KRTAP9-2: variants seen among roughly 807,000 people sequenced by gnomAD.
The protein encoded by KRTAP9-2 is keratin associated protein 9-2.
Under a neutral mutation model 14.1 loss-of-function variants are expected in KRTAP9-2, and 12 were observed. That is an observed-to-expected ratio of 0.85 (90% confidence interval 0.55 to 1.38). KRTAP9-2 has a LOEUF of 1.38. Among genes scored for constraint, KRTAP9-2 ranks in the 40% most tolerant of loss-of-function variants. The pLI, the probability that KRTAP9-2 is intolerant of heterozygous loss-of-function variation, is 0.00. For missense variants in KRTAP9-2, 185 were observed against 216.3 expected, an observed-to-expected ratio of 0.86 and a Z score of 0.91; for synonymous variants, 72 against 79.5, an observed-to-expected ratio of 0.91 and a Z score of 0.50.
chr17:41,226,673 C>A lies in KRTAP9-2; in HGVS notation c.19C>A (p.Pro7Thr). MTHCCS[P>T]CCQPTCCRTT... Reference sequence around the variant, plus strand: ...TGACACCATGACCCACTGTTGCTCCCCTTGCTGTCAGCCTACCTGCTGCAG... The same window carrying A: ...TGACACCATGACCCACTGTTGCTCCACTTGCTGTCAGCCTACCTGCTGCAG... The change falls in exon 1 of 1, where the codon CCT (proline) becomes ACT (threonine). Residue 7 changes from proline (P) to threonine (T), a missense_variant. By Grantham distance (38) the Pro-to-Thr change is conservative. This residue lies in a region of KRTAP9-2 where 21 missense variants were observed against 48.0 expected (regional missense o/e 0.44). Transcript: ENST00000377721. 1.2e-6 allele frequency: 2 copies of A among 1,612,152 alleles called. No individual in the cohort carries two copies. The highest frequency in any genetic ancestry group is 1.7e-6 in the Non-Finnish European group (2 of 1,179,726).
chr17:41,227,307 A>C lies in KRTAP9-2; in HGVS notation c.*128A>C. On this transcript the variant is annotated 3_prime_UTR_variant, in exon 1 of 1. Transcript: ENST00000377721. Reference sequence around the variant, plus strand: ...TCACCCAAATTTTTATGAATTCTCTACATGTTTAAAATCTTGGAAATCTGC... The same window carrying C: ...TCACCCAAATTTTTATGAATTCTCTCCATGTTTAAAATCTTGGAAATCTGC... The C allele has an allele frequency of 1.4e-6, 1 of 716,498 alleles. No individual in the cohort carries two copies. Among genetic ancestry groups the C allele is most frequent in the Non-Finnish European group, 2.1e-6 (1 of 474,196 alleles). 44.4% of individuals were successfully genotyped at this position (716,498 alleles called of 1,614,324 possible). A position where few individuals can be genotyped will look rare whatever the true frequency, so the allele number is the denominator to read the frequency against.
At position 41,227,164 on chromosome 17, in the gene KRTAP9-2, G is replaced by A. The variant is rs776298401; in HGVS notation, c.510G>A (p.Gln170=). 1.3e-5 allele frequency: 21 copies of A among 1,603,438 alleles called. No homozygotes were observed. The South Asian group carries it at 2.3e-4, about 18-fold the overall frequency. The change falls in exon 1 of 1, where the codon CAG becomes CAA. Residue 170 remains glutamine (Q), a synonymous_variant. Coordinates refer to ENST00000377721, the MANE Select transcript of KRTAP9-2 (RefSeq NM_031961.3). The stretch of plus-strand genomic sequence containing the variant: ...CCACCTGTGTGTCCAGCTGCTGCCA[G>A]CCTTCTTGCTGCTGATCACGTTCCA... ...FQPTCVSSCC[Q]PSCC
Position 41,227,005 on chromosome 17 carries a change from A to G in KRTAP9-2, c.351A>G (p.Arg117=). The change falls in exon 1 of 1, where the codon AGA becomes AGG. Residue 117 remains arginine (R), a synonymous_variant. Coordinates refer to ENST00000377721, the MANE Select transcript of KRTAP9-2 (RefSeq NM_031961.3). The part of the protein sequence containing the change: ...QSSSCAPVYC[R]RTCYYPTTVC... ...GCTCCTGTGCACCTGTGTACTGCAG[A>G]AGAACCTGCTACTACCCCACGACTG... The G allele has an allele frequency of 6.2e-7, 1 of 1,613,770 alleles. No individual in the cohort carries two copies. Among genetic ancestry groups the G allele is most frequent in the Non-Finnish European group, 8.5e-7 (1 of 1,179,966 alleles).
rs551374273 is a variant in KRTAP9-2, at chr17:41,227,030, G to C, written c.376G>C (p.Val126Leu). Residue 126 changes from valine (V) to leucine (L), a missense_variant, in exon 1 of 1, where the codon GTC becomes CTC. Transcript: ENST00000377721. Reference sequence around the variant, plus strand: ...AAGAACCTGCTACTACCCCACGACTGTCTGCCTGCCTGGTTGCCTAAACCA... The same window carrying C: ...AAGAACCTGCTACTACCCCACGACTCTCTGCCTGCCTGGTTGCCTAAACCA... ...CRRTCYYPTT[V>L]CLPGCLNQSC... The C allele has an allele frequency of 1.4e-5, 23 of 1,612,722 alleles. No individual in the cohort carries two copies. In the Admixed American group the frequency reaches 2.7e-4, roughly 19 times the overall value.
In KRTAP9-2 at chr17:41,227,447, G is replaced by C; in HGVS notation, c.*268G>C. ...TCATGGTCTCAGCTTTGACTCTAAA[G>C]TCAAGAGCTTCATTCCCTGCTTCTA... is the stretch of plus-strand genomic sequence containing the variant. On this transcript the variant is annotated 3_prime_UTR_variant, in exon 1 of 1. Coordinates refer to ENST00000377721, the MANE Select transcript of KRTAP9-2 (RefSeq NM_031961.3). 2.8e-6 allele frequency: 1 copy of C among 351,232 alleles called. No individual in the cohort carries two copies. Among genetic ancestry groups the C allele is most frequent in the Non-Finnish European group, 4.7e-6 (1 of 212,456 alleles). The allele number at this position is 351,232 out of a possible 1,614,324, so 21.8% of individuals were successfully genotyped here. A position where few individuals can be genotyped will look rare whatever the true frequency, so the allele number is the denominator to read the frequency against.
In KRTAP9-2 at chr17:41,226,978, C is replaced by A. The variant is rs139529894; in HGVS notation, c.324C>A (p.Ser108Arg). The A allele has an allele frequency of 1.2e-5, 19 of 1,613,918 alleles. No homozygotes were observed. Among genetic ancestry groups the A allele is most frequent in the African/African-American group, 5.3e-5 (4 of 74,892 alleles). The change falls in exon 1 of 1, where the codon AGC becomes AGA. Residue 108 changes from serine (S) to arginine (R), a missense_variant. Coordinates refer to ENST00000377721, the MANE Select transcript of KRTAP9-2 (RefSeq NM_031961.3). ...QTSCGSSCGQ[S>R]SSCAPVYCRR... is the part of the protein sequence containing the mutation. ...GCTGTGGGTCCAGCTGTGGCCAGAG[C>A]AGCTCCTGTGCACCTGTGTACTGCA...
Position 41,226,723 on chromosome 17 carries a change from C to T in KRTAP9-2, c.69C>T (p.Cys23=), listed in dbSNP as rs767702743. Residue 23 remains cysteine (C), a synonymous_variant, in exon 1 of 1, where the codon TGC becomes TGT. Transcript: ENST00000377721. ...GGACCACCTGCTGCAGGACCACCTGCTGGAAGCCCACCACTGTGACCACCT... is the reference window on the plus strand; with the variant it reads ...GGACCACCTGCTGCAGGACCACCTGTTGGAAGCCCACCACTGTGACCACCT... ...CCRTTCCRTT[C]WKPTTVTTCS... The T allele has an allele frequency of 8.4e-5, 134 of 1,600,364 alleles. No individual in the cohort carries two copies. The highest frequency in any genetic ancestry group is 4.0e-5 in the African/African-American group (3 of 74,722).
rs2015780593 is a variant in KRTAP9-2, at chr17:41,227,145, G to C, written c.491G>C (p.Cys164Ser). The C allele has an allele frequency of 1.2e-6, 2 of 1,608,192 alleles. No homozygotes were observed. Among genetic ancestry groups the C allele is most frequent in the South Asian group, 2.2e-5 (2 of 90,624 alleles). ...AGGACCACTTGCTTCCAGCCCACCT[G>C]TGTGTCCAGCTGCTGCCAGCCTTCT... ...CCRTTCFQPTCVSSCCQPSCC is the reference protein window; with the variant it reads ...CCRTTCFQPTSVSSCCQPSCC The change falls in exon 1 of 1, where the codon TGT becomes TCT. Residue 164 changes from cysteine to serine, a missense_variant. Cys to Ser is a moderately radical substitution (Grantham distance 112). Transcript: ENST00000377721.
rs554180393 is a variant in KRTAP9-2, at chr17:41,226,921, C to T, written c.267C>T (p.Thr89=). Residue 89 remains threonine (T), a synonymous_variant, in exon 1 of 1, where the codon ACC becomes ACT. Transcript: ENST00000377721. Reference sequence around the variant, plus strand: ...GCAGCACACCCTGCTGCCAGCCCACCTGCTGTGGGTCCAGCTGCTGTGGCC... The same window carrying T: ...GCAGCACACCCTGCTGCCAGCCCACTTGCTGTGGGTCCAGCTGCTGTGGCC... ...SCCSTPCCQP[T]CCGSSCCGQT... is the part of the protein sequence containing the mutation. 3 of 1,614,046 alleles carry T rather than the reference C, an allele frequency of 1.9e-6. No individual in the cohort carries two copies. In the South Asian group the frequency reaches 3.3e-5, roughly 18 times the overall value.
chr17:41,226,833 C>A lies in KRTAP9-2; in HGVS notation c.179C>A (p.Thr60Asn), dbSNP rs569192795. 2.2e-5 allele frequency: 33 copies of A among 1,506,174 alleles called. No individual in the cohort carries two copies. The East Asian group carries it at 7.8e-4, about 36-fold the overall frequency. The allele number at this position is 1,506,174 out of a possible 1,614,324, so 93.3% of individuals were successfully genotyped here. A position where few individuals can be genotyped will look rare whatever the true frequency, so the allele number is the denominator to read the frequency against. Residue 60 changes from threonine to asparagine, a missense_variant, in exon 1 of 1, where the codon ACC becomes AAC. Physicochemically the swap from Thr to Asn is moderately conservative, Grantham distance 65 (BLOSUM62 0). Around this residue, in one of 2 missense-constraint regions of KRTAP9-2, gnomAD observed 164 missense variants for 168.3 expected, o/e 0.97. Transcript: ENST00000377721. ...TGCCGCCCAACTTGCTGTCAAAACA[C>A]CTGCTGTAGGACCACCTGCTGCCAG... The part of the protein sequence containing the change: ...PCCRPTCCQN[T>N]CCRTTCCQPT...
Position 41,226,990 on chromosome 17 carries a change from A to G in KRTAP9-2, c.336A>G (p.Ala112=), listed in dbSNP as rs1368683703. ...GCTGTGGCCAGAGCAGCTCCTGTGC[A>G]CCTGTGTACTGCAGAAGAACCTGCT... ...GSSCGQSSSC[A]PVYCRRTCYY... The change falls in exon 1 of 1, where the codon GCA becomes GCG. Residue 112 remains alanine, a synonymous_variant. Coordinates refer to ENST00000377721, the MANE Select transcript of KRTAP9-2 (RefSeq NM_031961.3). The G allele has an allele frequency of 1.2e-6, 2 of 1,613,774 alleles. No homozygotes were observed. The highest frequency in any genetic ancestry group is 1.3e-5 in the African/African-American group (1 of 74,806).
At position 41,226,792 on chromosome 17, in the gene KRTAP9-2, C is replaced by T. The variant is rs143148424; in HGVS notation, c.138C>T (p.Ser46=). 4 of 1,509,438 alleles carry T rather than the reference C, an allele frequency of 2.6e-6. No homozygotes were observed. The highest frequency in any genetic ancestry group is 2.7e-6 in the Non-Finnish European group (3 of 1,114,602). 93.5% of individuals were successfully genotyped at this position (1,509,438 alleles called of 1,614,324 possible). The change falls in exon 1 of 1, where the codon AGC becomes AGT. Residue 46 remains serine (S), a synonymous_variant. Transcript: ENST00000377721. Reference sequence around the variant, plus strand: ...GCCAGCCCGCCTGCTGTGTGTCCAGCTGCTGCCAGCCTTGCTGCCGCCCAA... The same window carrying T: ...GCCAGCCCGCCTGCTGTGTGTCCAGTTGCTGCCAGCCTTGCTGCCGCCCAA... ...PCCQPACCVS[S]CCQPCCRPTC...
rs2144075955 is a variant in KRTAP9-2, at chr17:41,226,756, C to T, written c.102C>T (p.Ser34=). 1 of 1,535,410 alleles carries T rather than the reference C, an allele frequency of 6.5e-7. No homozygotes were observed. The change falls in exon 1 of 1, where the codon AGC becomes AGT. Residue 34 remains serine (S), a synonymous_variant. Transcript: ENST00000377721. Reference sequence around the variant, plus strand: ...CCACCACTGTGACCACCTGCAGCAGCACACCCTGCTGCCAGCCCGCCTGCT... The same window carrying T: ...CCACCACTGTGACCACCTGCAGCAGTACACCCTGCTGCCAGCCCGCCTGCT... ...WKPTTVTTCS[S]TPCCQPACCV... is the part of the protein sequence containing the mutation.
At position 41,226,886 on chromosome 17, in the gene KRTAP9-2, C is replaced by T. The variant is rs1461655881; in HGVS notation, c.232C>T (p.Pro78Ser). ...CACCTGTGTGACCAGCTGCTGCCAGCCTTCCTGCTGCAGCACACCCTGCTG... is the reference window on the plus strand; with the variant it reads ...CACCTGTGTGACCAGCTGCTGCCAGTCTTCCTGCTGCAGCACACCCTGCTG... ...QPTCVTSCCQ[P>S]SCCSTPCCQP... The change falls in exon 1 of 1, where the codon CCT (proline) becomes TCT (serine). Residue 78 changes from proline (P) to serine (S), a missense_variant. Physicochemically the swap from Pro to Ser is moderately conservative, Grantham distance 74. Around this residue, in one of 2 missense-constraint regions of KRTAP9-2, gnomAD observed 164 missense variants for 168.3 expected, o/e 0.97. Transcript: ENST00000377721. 6.2e-7 allele frequency: 1 copy of T among 1,613,134 alleles called. No individual in the cohort carries two copies. Among genetic ancestry groups the T allele is most frequent in the East Asian group, 2.2e-5 (1 of 44,858 alleles).
At position 41,226,815 on chromosome 17, in the gene KRTAP9-2, C is replaced by T. The variant is rs1228357818; in HGVS notation, c.161C>T (p.Pro54Leu). The change falls in exon 1 of 1, where the codon CCA becomes CTA. Residue 54 changes from proline (P) to leucine (L), a missense_variant. Physicochemically the swap from Pro to Leu is moderately conservative, Grantham distance 98 (BLOSUM62 -3). Coordinates refer to ENST00000377721, the MANE Select transcript of KRTAP9-2 (RefSeq NM_031961.3). ...AGCTGCTGCCAGCCTTGCTGCCGCCCAACTTGCTGTCAAAACACCTGCTGT... is the reference window on the plus strand; with the variant it reads ...AGCTGCTGCCAGCCTTGCTGCCGCCTAACTTGCTGTCAAAACACCTGCTGT... The part of the protein sequence containing the change: ...VSSCCQPCCR[P>L]TCCQNTCCRT... 6 of 1,504,022 alleles carry T rather than the reference C, an allele frequency of 4.0e-6. No homozygotes were observed. The highest frequency in any genetic ancestry group is 5.4e-6 in the Non-Finnish European group (6 of 1,111,882). 93.2% of individuals were successfully genotyped at this position (1,504,022 alleles called of 1,614,324 possible).
rs533925701 is a variant in KRTAP9-2 at position 41,226,863 on chromosome 17, C to T, written c.209C>T (p.Thr70Ile). 2.9e-4 allele frequency: 470 copies of T among 1,610,262 alleles called. 2 individuals carry two copies. In the African/African-American group the frequency reaches 5.2e-3, roughly 18 times the overall value. ...TGTAGGACCACCTGCTGCCAGCCCACCTGTGTGACCAGCTGCTGCCAGCCT... is the reference window on the plus strand; with the variant it reads ...TGTAGGACCACCTGCTGCCAGCCCATCTGTGTGACCAGCTGCTGCCAGCCT... ...TCCRTTCCQPTCVTSCCQPSC... is the reference protein window; with the variant it reads ...TCCRTTCCQPICVTSCCQPSC... Residue 70 changes from threonine to isoleucine, a missense_variant, in exon 1 of 1, where the codon ACC becomes ATC. By Grantham distance (89) the Thr-to-Ile change is moderately conservative. Around this residue, in one of 2 missense-constraint regions of KRTAP9-2, gnomAD observed 164 missense variants for 168.3 expected, o/e 0.97. Transcript: ENST00000377721.
chr17:41,227,202 T>C lies in KRTAP9-2; in HGVS notation c.*23T>C, dbSNP rs200410806. 4.7e-3 allele frequency: 7,417 copies of C among 1,567,094 alleles called. 20 individuals are homozygous for C. The highest frequency in any genetic ancestry group is 5.4e-3 in the Non-Finnish European group (6,193 of 1,149,360). ...TGATCACGTTCCAAGAGAACCACCA[T>C]CCTCACACAACAAATTTCTGCTCAA... On this transcript the variant is annotated 3_prime_UTR_variant, in exon 1 of 1. Transcript: ENST00000377721.
rs759475584 is a variant in KRTAP9-2 at position 41,226,776 on chromosome 17, C to T, written c.122C>T (p.Ala41Val). 52 of 1,520,278 alleles carry T rather than the reference C, an allele frequency of 3.4e-5. No homozygotes were observed. Among genetic ancestry groups the T allele is most frequent in the Non-Finnish European group, 4.5e-5 (51 of 1,123,318 alleles). The allele number at this position is 1,520,278 out of a possible 1,614,324, so 94.2% of individuals were successfully genotyped here. The change falls in exon 1 of 1, where the codon GCC (alanine) becomes GTC (valine). Residue 41 changes from alanine (A) to valine (V), a missense_variant. Around this residue, in one of 2 missense-constraint regions of KRTAP9-2, gnomAD observed 164 missense variants for 168.3 expected, o/e 0.97. Coordinates refer to ENST00000377721, the MANE Select transcript of KRTAP9-2 (RefSeq NM_031961.3). Reference sequence around the variant, plus strand: ...AGCAGCACACCCTGCTGCCAGCCCGCCTGCTGTGTGTCCAGCTGCTGCCAG... The same window carrying T: ...AGCAGCACACCCTGCTGCCAGCCCGTCTGCTGTGTGTCCAGCTGCTGCCAG... ...TCSSTPCCQP[A>V]CCVSSCCQPC...
rs34024914 is a variant in KRTAP9-2 at position 41,226,904 on chromosome 17, C to G, written c.250C>G (p.Pro84Ala). 2.5e-6 allele frequency: 4 copies of G among 1,608,418 alleles called. No homozygotes were observed. Among genetic ancestry groups the G allele is most frequent in the Admixed American group, 3.4e-5 (2 of 59,346 alleles). ...CTGCCAGCCTTCCTGCTGCAGCACA[C>G]CCTGCTGCCAGCCCACCTGCTGTGG... is the stretch of plus-strand genomic sequence containing the variant. ...SCCQPSCCST[P>A]CCQPTCCGSS... Residue 84 changes from proline to alanine, a missense_variant, in exon 1 of 1, where the codon CCC (proline) becomes GCC (alanine). Around this residue, in one of 2 missense-constraint regions of KRTAP9-2, gnomAD observed 164 missense variants for 168.3 expected, o/e 0.97. Transcript: ENST00000377721.
Sources: allele counts gnomAD v4.1 joint callset, GRCh38; gene constraint gnomAD v4.1.1; regional missense constraint gnomAD v4.1.1; transcripts MANE v1.5; gene names NCBI Gene and HGNC (gene_info 2026-07-23, HGNC 2026-07-21).